The following DCAF17 variants were observed in gnomAD, a reference collection of about 807,000 sequenced individuals.
DCAF17 encodes the protein DDB1- and CUL4-associated factor 17.
In DCAF17, 48 loss-of-function variants were observed where a neutral mutation model predicts 66.0. That is an observed-to-expected ratio of 0.73 (90% CI 0.58 to 0.92). The LOEUF is 0.92. Among genes scored for constraint, DCAF17 ranks in the 40% least tolerant of loss-of-function variants. The probability of loss-of-function intolerance (pLI) is 0.00; values close to 1 mark genes in which losing one functional copy is unlikely to be tolerated. For synonymous variants in DCAF17, 206 were observed against 214.6 expected (o/e 0.96, Z 0.35); for missense variants, 562 against 622.8 (o/e 0.90, Z 1.04).
At chr2:171,439,170 C>A (rs555101975) in intron 2 of DCAF17, among the ~76,000 whole-genome samples, 48 of 152,128 alleles carry the variant, frequency 3.2e-4, no homozygotes, top group African/African-American at 1.1e-3. Context: ...TGATTTTCTG[C>A]AGTTTGAATA....
intron 3 of DCAF17, among the ~76,000 whole-genome samples, chr2:171,444,798 G>C (rs6713612): frequency 6.6e-6 from 1 of 151,942 alleles, no homozygotes; most frequent in Admixed American, 6.5e-5. Flanking sequence ...ATAAGAGGCT[G>C]TACGCTAAAT....
chr2:171,454,703 C>T (rs1695150040), intron 6 of DCAF17, among the ~76,000 whole-genome samples: 2 of 151,970 alleles, frequency 1.3e-5, no homozygotes, highest in African/African-American at 4.8e-5. Flanking sequence ...TCAATACCAG[C>T]CTGGCCAACA....
In DCAF17 at chr2:171,476,946, AT is replaced by A. The variant is rs1174827080; in HGVS notation, c.1179del (p.His393GlnfsTer16). 6.2e-7 allele frequency: 1 copy of A among 1,609,616 alleles called. No individual in the cohort carries two copies. Among genetic ancestry groups the A allele is most frequent in the Non-Finnish European group, 8.5e-7 (1 of 1,176,118 alleles). ...GTCATTTTGGCCAACAGGGAGAACC[AT>A]AAAGTAAGTCAAGAGTACTTTAAAA... is the stretch of plus-strand genomic sequence containing the variant. The part of the protein sequence containing the change: ...DFVILANREN[H>X]KNENVLTVTA... On this transcript the variant is annotated frameshift_variant, in exon 11 of 14. Transcript: ENST00000375255. LOFTEE classifies it high-confidence loss of function.
intron 2 of DCAF17, among the ~76,000 whole-genome samples, chr2:171,441,645 T>G (rs7572973): frequency 3.3e-5 from 5 of 152,290 alleles, no homozygotes; most frequent in Admixed American, 6.5e-5. Flanking sequence ...CAGGGAGCCT[T>G]GTACTCTTGG....
chr2:171,437,818 T>C (rs938543697), intron 2 of DCAF17, among the ~76,000 whole-genome samples: 1 of 152,186 alleles, frequency 6.6e-6, no homozygotes, highest in Non-Finnish European at 1.5e-5. Flanking sequence ...AAAAAACAGC[T>C]TTTGGTTTTG....
At chr2:171,475,960 T>C (rs188434527) in intron 10 of DCAF17, among the ~76,000 whole-genome samples, 2 of 152,210 alleles carry the variant, frequency 1.3e-5, no homozygotes, top group African/African-American at 2.4e-5. Flanking sequence ...CCATATTAGT[T>C]TGAACTTAAG....
chr2:171,478,830 A>G (rs1270191855), intron 12 of DCAF17, among the ~76,000 whole-genome samples: 1 of 152,202 alleles, frequency 6.6e-6, no homozygotes, highest in Non-Finnish European at 1.5e-5. Flanking sequence ...TTTGGACCAT[A>G]CAAACCTATT....
At chr2:171,446,727 A>C (rs1694647081) in intron 3 of DCAF17, among the ~76,000 whole-genome samples, 1 of 152,212 alleles carries the variant, frequency 6.6e-6, no homozygotes, top group Non-Finnish European at 1.5e-5. Context: ...TGAGAATTTA[A>C]AACAAATGAG....
intron 8 of DCAF17, among the ~76,000 whole-genome samples, chr2:171,465,594 C>T (rs1033131661): frequency 1.3e-5 from 2 of 152,278 alleles, no homozygotes; most frequent in East Asian, 3.9e-4. Context: ...CCAATTCTGC[C>T]TCAGCCTCCT....
chr2:171,440,585 C>T (rs1694251025), intron 2 of DCAF17, among the ~76,000 whole-genome samples: 1 of 152,110 alleles, frequency 6.6e-6, no homozygotes, highest in South Asian at 2.1e-4. Flanking sequence ...AAAAATTTTA[C>T]AAATTTAAGA....
chr2:171,455,414 C>T (rs1245967117), intron 6 of DCAF17, among the ~76,000 whole-genome samples: 1 of 152,180 alleles, frequency 6.6e-6, no homozygotes, highest in East Asian at 1.9e-4. Context: ...CACTGATGGA[C>T]ATTTAGGTTG....
At chr2:171,461,730 C>T (rs1474805828) in intron 8 of DCAF17, among the ~76,000 whole-genome samples, 2 of 152,174 alleles carry the variant, frequency 1.3e-5, no homozygotes, top group African/African-American at 4.8e-5. Context: ...CAAATGTATA[C>T]ATCCATGAAA....
At chr2:171,458,943 A>G (rs1041491087) in intron 8 of DCAF17, among the ~76,000 whole-genome samples, 3 of 152,232 alleles carry the variant, frequency 2.0e-5, no homozygotes, top group African/African-American at 7.2e-5. Context: ...AATCACAAAA[A>G]GAAAATTATA....
At chr2:171,448,281 A>G (rs1259668584) in intron 3 of DCAF17, among the ~76,000 whole-genome samples, 2 of 152,252 alleles carry the variant, frequency 1.3e-5, no homozygotes, top group East Asian at 1.9e-4. Flanking sequence ...CCAGGCACTC[A>G]CCACCATGCT....
intron 3 of DCAF17, chr2:171,447,492 C>G (rs981774884): frequency 5.1e-6 from 1 of 195,530 alleles, no homozygotes; most frequent in Non-Finnish European, 1.1e-5. Context: ...TCCCAAGTAG[C>G]TGGGATTATA....
intron 2 of DCAF17, among the ~76,000 whole-genome samples, chr2:171,438,814 G>A (rs758228171): frequency 2.0e-5 from 3 of 151,984 alleles, no homozygotes; most frequent in Non-Finnish European, 4.4e-5. Context: ...ATAGCTCACT[G>A]TAACACCAAA....
At position 171,438,737 on chromosome 2, in the gene DCAF17, CT is replaced by C. The variant is rs201547812; in HGVS notation, c.230+3560del. Among the ~76,000 whole-genome samples the C allele has an allele frequency of 6.9e-3, 1,048 of 151,076 alleles. 10 individuals are homozygous for C. The highest frequency in any genetic ancestry group is 0.022 in the African/African-American group (917 of 41,200). The stretch of plus-strand genomic sequence containing the variant: ...TCCTTTACTTTTAATCTATCTGTGC[CT>C]TTTTTTTTCCCCCCCAAAGTCAGGG... On this transcript the variant is annotated intron_variant, in intron 2 of 13. Coordinates refer to ENST00000375255, the MANE Select transcript of DCAF17 (RefSeq NM_025000.4).
chr2:171,434,607 C>A lies in DCAF17; in HGVS notation c.30C>A (p.Cys10Ter), dbSNP rs1182200717. 2 of 1,528,346 alleles carry A rather than the reference C, an allele frequency of 1.3e-6. No homozygotes were observed. The highest frequency in any genetic ancestry group is 1.7e-6 in the Non-Finnish European group (2 of 1,144,616). The allele number at this position is 1,528,346 out of a possible 1,614,324, so 94.7% of individuals were successfully genotyped here. The change falls in exon 1 of 14, where the codon TGC becomes TGA. Residue 10 changes from cysteine (C) to a stop codon, truncating the protein, a stop_gained. Coordinates refer to ENST00000375255, the MANE Select transcript of DCAF17 (RefSeq NM_025000.4). LOFTEE classifies it high-confidence loss of function. ...GCCCGACCCGGAAGCCCAACGTGTG[C>A]AGCCGGCTGAGTCGCCGGGCGCTGG... is the stretch of plus-strand genomic sequence containing the variant. MGPTRKPNV[C>*]SRLSRRALGC...
At chr2:171,462,491 G>A (rs1695642004) in intron 8 of DCAF17, among the ~76,000 whole-genome samples, 1 of 152,126 alleles carries the variant, frequency 6.6e-6, no homozygotes, top group Admixed American at 6.5e-5. Context: ...TAAGACAAAT[G>A]TAAATTAAAA....
Sources: allele counts gnomAD v4.1 joint callset (sites outside exome capture counted in the v4.1 genomes callset), GRCh38; gene constraint gnomAD v4.1.1; transcripts MANE v1.5; gene names NCBI Gene and HGNC (gene_info 2026-07-23, HGNC 2026-07-21).